COPS2: variants seen among roughly 807,000 people sequenced by gnomAD.
COPS2 encodes the protein COP9 signalosome complex subunit 2.
Under a neutral mutation model 66.1 loss-of-function variants are expected in COPS2, and 10 were observed. The ratio of observed to expected loss-of-function variants is 0.15; its 90% CI spans 0.09 to 0.26. The LOEUF is 0.26. Among genes scored for constraint, COPS2 ranks in the 10% least tolerant of loss-of-function variants. The pLI is 1.00. For missense variants in COPS2, 215 were observed against 513.3 expected (o/e 0.42, Z 5.62); for synonymous variants, 179 against 171.3 (o/e 1.04, Z -0.35).
rs940018658 is a variant in COPS2, at chr15:49,125,484, T to C, written c.*2466A>G. On this transcript the variant is annotated 3_prime_UTR_variant, in exon 13 of 13. Transcript: ENST00000388901. ...ACCACTGGTATGGTTTTCACAAAAGTGGAAAAGATTTAATCAGTGAATAAA... is the reference window on the plus strand; with the variant it reads ...ACCACTGGTATGGTTTTCACAAAAGCGGAAAAGATTTAATCAGTGAATAAA... The C allele has an allele frequency of 6.6e-6, 1 of 152,064 alleles. No individual in the cohort carries two copies. The highest frequency in any genetic ancestry group is 6.5e-5 in the Admixed American group (1 of 15,284). 9.4% of individuals were successfully genotyped at this position (152,064 alleles called of 1,614,324 possible). A position where few individuals can be genotyped will look rare whatever the true frequency, so the allele number is the denominator to read the frequency against.
At chr15:49,140,913 A>G (rs752352780) in intron 3 of COPS2, among the ~76,000 whole-genome samples, 44 of 152,142 alleles carry the variant, frequency 2.9e-4, no homozygotes, top group African/African-American at 1.0e-3. Flanking sequence ...ACAAAGAACA[A>G]GAAAACTTGA....
intron 3 of COPS2, 44 bp from the exon 4 acceptor site, chr15:49,139,697 C>T: frequency 6.9e-7 from 1 of 1,445,940 alleles, no homozygotes; most frequent in Non-Finnish European, 9.5e-7. Context: ...AATTTAGGTA[C>T]TAAAATATGT....
At chr15:49,145,177 T>C in intron 1 of COPS2, 99 bp from the exon 2 acceptor site, 1 of 595,338 alleles carries the variant, frequency 1.7e-6, no homozygotes, top group Admixed American at 3.4e-5. Context: ...AAACCACATA[T>C]TTTTACAAAA....
Position 49,125,150 on chromosome 15 carries a change from T to A in COPS2, c.*2800A>T, listed in dbSNP as rs2084155528. 6.6e-6 allele frequency: 1 copy of A among 152,130 alleles called. No homozygotes were observed. Among genetic ancestry groups the A allele is most frequent in the Admixed American group, 6.5e-5 (1 of 15,276 alleles). The allele number at this position is 152,130 out of a possible 1,614,324, so 9.4% of individuals were successfully genotyped here. A position where few individuals can be genotyped will look rare whatever the true frequency, so the allele number is the denominator to read the frequency against. ...ATAGCTCATTTAAAATAGGCCTCAC[T>A]TAAATATTAGGTTCTCAGTTTTCCT... On this transcript the variant is annotated 3_prime_UTR_variant, in exon 13 of 13. Transcript: ENST00000388901.
chr15:49,124,891 C>G lies in COPS2; in HGVS notation c.*3059G>C, dbSNP rs1390885487. On this transcript the variant is annotated 3_prime_UTR_variant, in exon 13 of 13. Transcript: ENST00000388901. The stretch of plus-strand genomic sequence containing the variant: ...AAAGAGGTAAAGGGAATCCACTAGG[C>G]AAATAATTTTTTGTCTTATGGACTA... 6.6e-6 allele frequency: 1 copy of G among 152,142 alleles called. No homozygotes were observed. The highest frequency in any genetic ancestry group is 1.5e-5 in the Non-Finnish European group (1 of 68,012). The allele number at this position is 152,142 out of a possible 1,614,324, so 9.4% of individuals were successfully genotyped here.
intron 1 of COPS2, among the ~76,000 whole-genome samples, chr15:49,148,292 C>A (rs966022419): frequency 6.6e-6 from 1 of 150,618 alleles, no homozygotes; most frequent in East Asian, 1.9e-4. Context: ...GCAAACAAAA[C>A]CGTAATATAA....
At position 49,127,537 on chromosome 15, in the gene COPS2, A is replaced by C. The variant is rs1286295141; in HGVS notation, c.*413T>G. On this transcript the variant is annotated 3_prime_UTR_variant, in exon 13 of 13. Transcript: ENST00000388901. Reference sequence around the variant, plus strand: ...TTATACATGAGAAAAGGAAGTGTTCAAAAGGGTATGCATTTCAAGTTATTG... The same window carrying C: ...TTATACATGAGAAAAGGAAGTGTTCCAAAGGGTATGCATTTCAAGTTATTG... The C allele has an allele frequency of 6.4e-6, 1 of 157,150 alleles. No individual in the cohort carries two copies. Among genetic ancestry groups the C allele is most frequent in the Non-Finnish European group, 1.4e-5 (1 of 71,116 alleles). 9.7% of individuals were successfully genotyped at this position (157,150 alleles called of 1,614,324 possible). A position where few individuals can be genotyped will look rare whatever the true frequency, so the allele number is the denominator to read the frequency against.
At chr15:49,143,841 C>T (rs562047253) in intron 3 of COPS2, among the ~76,000 whole-genome samples, 1 of 152,198 alleles carries the variant, frequency 6.6e-6, no homozygotes, top group African/African-American at 2.4e-5. Context: ...AAAAAATTAG[C>T]TGGGCATGGT....
intron 9 of COPS2, among the ~76,000 whole-genome samples, chr15:49,132,593 A>G (rs2084219571): frequency 7.2e-6 from 1 of 138,624 alleles, no homozygotes; most frequent in South Asian, 2.3e-4. Flanking sequence ...AAAAAAAAAA[A>G]GCCCTGCTTC....
At chr15:49,142,071 A>C (rs1566884849) in intron 3 of COPS2, among the ~76,000 whole-genome samples, 2 of 152,172 alleles carry the variant, frequency 1.3e-5, no homozygotes, top group Non-Finnish European at 2.9e-5. Context: ...ACAGCCTTCT[A>C]AGTTATTAAT....
intron 1 of COPS2, among the ~76,000 whole-genome samples, chr15:49,148,555 A>G (rs1388438209): frequency 6.6e-6 from 1 of 152,214 alleles, no homozygotes; most frequent in Non-Finnish European, 1.5e-5. Flanking sequence ...CTGATGAAAG[A>G]TGAACTGGTA....
At chr15:49,142,641 GTTC>G (rs1421412999) in intron 3 of COPS2, among the ~76,000 whole-genome samples, 2 of 152,158 alleles carry the variant, frequency 1.3e-5, no homozygotes, top group East Asian at 3.8e-4. Flanking sequence ...TCTCTCAAAA[GTTC>G]TTCTCCTTTA....
chr15:49,128,983 T>C (rs2084189145), intron 11 of COPS2, among the ~76,000 whole-genome samples: 1 of 152,234 alleles, frequency 6.6e-6, no homozygotes, highest in African/African-American at 2.4e-5. Context: ...AATTTTATTG[T>C]GGTTGAAGTT....
rs765815152 is a variant in COPS2 at position 49,144,986 on chromosome 15, C to A, written c.147G>T (p.Ala49=). ...AAACCTTTTGGAAACTGCTTAATGC[C>A]GCTTTTGGGTCATCTTCTTTTAATG... ...SKALKEDDPK[A]ALSSFQKVLE... is the part of the protein sequence containing the mutation. Residue 49 remains alanine, a synonymous_variant, in exon 2 of 13, where the codon GCG becomes GCT. Transcript: ENST00000388901. 1 of 1,586,100 alleles carries A rather than the reference C, an allele frequency of 6.3e-7. No homozygotes were observed. Among genetic ancestry groups the A allele is most frequent in the Non-Finnish European group, 8.6e-7 (1 of 1,169,548 alleles).
chr15:49,141,980 G>A (rs1595823678), intron 3 of COPS2, among the ~76,000 whole-genome samples: 1 of 152,092 alleles, frequency 6.6e-6, no homozygotes, highest in Admixed American at 6.6e-5. Flanking sequence ...CAGAACCTAC[G>A]AGTTAAACAT....
chr15:49,135,501 C>G (rs2084244587), intron 6 of COPS2, among the ~76,000 whole-genome samples: 1 of 152,082 alleles, frequency 6.6e-6, no homozygotes, highest in African/African-American at 2.4e-5. Flanking sequence ...AAGCATAAAC[C>G]AAGTGCCTAG....
chr15:49,143,033 A>G (rs1440452538), intron 3 of COPS2, among the ~76,000 whole-genome samples: 2 of 152,196 alleles, frequency 1.3e-5, no homozygotes, highest in East Asian at 3.8e-4. Flanking sequence ...ATGCTATTTT[A>G]TATCAGGTGG....
At position 49,134,422 on chromosome 15, in the gene COPS2, G is replaced by A. The variant is rs1454225959; in HGVS notation, c.633C>T (p.Asn211=). The part of the protein sequence containing the change: ...EIQMYTAQKN[N]KKLKALYEQS... Reference sequence around the variant, plus strand: ...GTTCATAGAGTGCTTTAAGTTTTTTGTTATTTTTCTGTGCTGTGTACATTT... The same window carrying A: ...GTTCATAGAGTGCTTTAAGTTTTTTATTATTTTTCTGTGCTGTGTACATTT... The change falls in exon 7 of 13, where the codon AAC becomes AAT. Residue 211 remains asparagine, a synonymous_variant. Transcript: ENST00000388901. 6.2e-7 allele frequency: 1 copy of A among 1,613,220 alleles called. No homozygotes were observed. Among genetic ancestry groups the A allele is most frequent in the East Asian group, 2.2e-5 (1 of 44,856 alleles).
intron 6 of COPS2, 150 bp from the exon 7 acceptor site, chr15:49,134,664 A>T (rs1455982945): frequency 6.8e-5 from 40 of 588,620 alleles, no homozygotes; most frequent in Non-Finnish European, 9.5e-5. Context: ...TAAGAATACC[A>T]CTTGTAATGG....
Sources: gnomAD v4.1 joint callset for allele counts (sites outside exome capture counted in the v4.1 genomes callset) on GRCh38, gnomAD v4.1.1 for gene constraint, MANE v1.5 for transcripts, NCBI Gene and HGNC (gene_info 2026-07-23, HGNC 2026-07-21) for gene names.